CLDN16: variants seen among roughly 807,000 people sequenced by gnomAD.
CLDN16 encodes claudin 16.
In CLDN16, 13 loss-of-function variants were observed where a neutral mutation model predicts 24.6. That is an observed-to-expected ratio of 0.53 (90% confidence interval 0.34 to 0.84). The LOEUF (loss-of-function observed/expected upper bound fraction) is 0.84, where lower values mean the gene tolerates loss of function less well. Among genes scored for constraint, CLDN16 ranks in the 40% least tolerant of loss-of-function variants. CLDN16 has a pLI of 0.01. For missense variants in CLDN16, 298 were observed against 292.7 expected, an observed-to-expected ratio of 1.02 and a Z score of -0.13; for synonymous variants, 116 against 106.7, an observed-to-expected ratio of 1.09 and a Z score of -0.54.
the CLDN16 span, among the ~76,000 whole-genome samples, chr3:190,312,715 G>A: frequency 6.6e-6 from 1 of 152,176 alleles, no homozygotes; most frequent in East Asian, 1.9e-4. Flanking sequence ...TTTTCATTTA[G>A]TTTGTGTTTG....
chr3:190,309,143 T>C, the CLDN16 span, among the ~76,000 whole-genome samples: 1 of 152,184 alleles, frequency 6.6e-6, no homozygotes, highest in Non-Finnish European at 1.5e-5. Flanking sequence ...TCAGCCTCAG[T>C]TTCTCCTACT....
At position 190,350,344 on chromosome 3, in the gene CLDN16, T is replaced by TTATATATATATATATA. The variant is rs10563626; in HGVS notation, n.122-20542_122-20527dup. Among the ~76,000 whole-genome samples the TTATATATATATATATA allele has an allele frequency of 2.4e-3, 337 of 142,024 alleles. 4 individuals are homozygous for TTATATATATATATATA. The highest frequency in any genetic ancestry group is 4.1e-3 in the African/African-American group (158 of 38,788). 93.2% of individuals were successfully genotyped at this position (142,024 alleles called of 152,430 possible). ...AGTTTAAGAATCATAGTTCATAATG[T>TTATATATATATATATA]TATATATATATATATATATATACTT... On this transcript the variant is annotated intron_variant and non_coding_transcript_variant, in intron 1 of 4. Coordinates refer to the CLDN16 transcript ENST00000468220.
chr3:190,293,795 G>A, the CLDN16 span, among the ~76,000 whole-genome samples: 452 of 152,324 alleles, frequency 3.0e-3, 2 homozygotes, highest in African/African-American at 0.01. Flanking sequence ...CAGTTAAACC[G>A]AGAAGATTAG....
the CLDN16 span, chr3:190,306,361 T>C: frequency 6.6e-6 from 1 of 152,260 alleles, no homozygotes; most frequent in South Asian, 2.1e-4. Flanking sequence ...CTTGAGAGAC[T>C]GGTTAAGGCA....
At chr3:190,322,963 C>T (rs1406991622) in intron 1 of CLDN16, among the ~76,000 whole-genome samples, 1 of 149,472 alleles carries the variant, frequency 6.7e-6, no homozygotes, top group Non-Finnish European at 1.5e-5. Flanking sequence ...GACTTTTACA[C>T]TCTACAGATT....
At chr3:190,327,502 T>C (rs1369076608) in intron 1 of CLDN16, among the ~76,000 whole-genome samples, 2 of 152,188 alleles carry the variant, frequency 1.3e-5, no homozygotes, top group Non-Finnish European at 2.9e-5. Context: ...GCCACTGAAT[T>C]AGATAACTAT....
intron 2 of CLDN16, among the ~76,000 whole-genome samples, chr3:190,403,728 A>G (rs2049673): frequency 0.14 from 21,135 of 152,188 alleles, 1,522 homozygotes; most frequent in Middle Eastern, 0.21. Context: ...CATTTTTAAA[A>G]ACATAGTTCA....
chr3:190,400,677 T>A (rs917060579), intron 1 of CLDN16, among the ~76,000 whole-genome samples: 6 of 152,376 alleles, frequency 3.9e-5, no homozygotes, highest in African/African-American at 1.2e-4. Flanking sequence ...TTAAATAGTA[T>A]TCCATTGTGT....
the CLDN16 span, among the ~76,000 whole-genome samples, chr3:190,291,154 A>T: frequency 6.6e-6 from 1 of 152,156 alleles, no homozygotes; most frequent in Non-Finnish European, 1.5e-5. Flanking sequence ...CTGCAGTGGG[A>T]CTATCCCTTT....
chr3:190,311,488 T>C, the CLDN16 span, among the ~76,000 whole-genome samples: 2 of 152,174 alleles, frequency 1.3e-5, no homozygotes, highest in Non-Finnish European at 2.9e-5. Context: ...TAAACTGACA[T>C]ATTATACTGA....
In CLDN16 at chr3:190,341,910, G is replaced by T. The variant is rs186685063; in HGVS notation, n.121+19249G>T. ...CAAATCTCTAGGGCAGGGACAAAAT[G>T]CTGCCAGTCTCTTTGCTAAAACATA... On this transcript the variant is annotated intron_variant and non_coding_transcript_variant, in intron 1 of 4. Transcript: ENST00000468220. Among the ~76,000 whole-genome samples the T allele has an allele frequency of 6.3e-3, 962 of 152,250 alleles. 10 individuals carry two copies. Among genetic ancestry groups the T allele is most frequent in the South Asian group, 0.026 (127 of 4,816 alleles).
intron 1 of CLDN16, among the ~76,000 whole-genome samples, chr3:190,397,435 A>G (rs1718848091): frequency 1.3e-5 from 2 of 152,214 alleles, no homozygotes; most frequent in Admixed American, 6.5e-5. Flanking sequence ...AAGGTTAACT[A>G]TGATATTTGA....
chr3:190,363,559 T>TATATAC (rs1717950800), intron 1 of CLDN16, among the ~76,000 whole-genome samples: 1 of 80,500 alleles, frequency 1.2e-5, no homozygotes, highest in South Asian at 3.6e-4. Context: ...TGTGTGTGTA[T>TATATAC]ATATATATAT....
At chr3:190,374,608 G>A (rs1718210249) in intron 3 of CLDN16, 1 of 151,834 alleles carries the variant, frequency 6.6e-6, no homozygotes, top group African/African-American at 2.4e-5. Context: ...GTGAAGGTCA[G>A]CATGTTAAGT....
intron 1 of CLDN16, among the ~76,000 whole-genome samples, chr3:190,400,324 C>T (rs571767886): frequency 1.4e-4 from 22 of 152,112 alleles, no homozygotes; most frequent in Non-Finnish European, 1.5e-5. Flanking sequence ...CTGCAACATC[C>T]GACTCAGTGG....
At position 190,347,321 on chromosome 3, in the gene CLDN16, G is replaced by A. The variant is rs73889972; in HGVS notation, n.122-23572G>A. 5.6e-3 allele frequency among the ~76,000 whole-genome samples: 859 copies of A among 152,186 alleles called. 10 individuals carry two copies. The highest frequency in any genetic ancestry group is 0.02 in the African/African-American group (814 of 41,512). On this transcript the variant is annotated intron_variant and non_coding_transcript_variant, in intron 1 of 4. Coordinates refer to the CLDN16 transcript ENST00000468220. ...TCAAGAAAAACTACCAGTTTTTCTGGGTAGACCTCCTATTTATAGTGCTAG... is the reference window on the plus strand; with the variant it reads ...TCAAGAAAAACTACCAGTTTTTCTGAGTAGACCTCCTATTTATAGTGCTAG...
chr3:190,297,989 G>A, the CLDN16 span, among the ~76,000 whole-genome samples: 11 of 151,900 alleles, frequency 7.2e-5, no homozygotes, highest in East Asian at 2.1e-3. Context: ...GAAACTAAAC[G>A]CCCTAATTCA....
chr3:190,339,598 A>G (rs2108628472), intron 1 of CLDN16, among the ~76,000 whole-genome samples: 1 of 152,360 alleles, frequency 6.6e-6, no homozygotes, highest in Admixed American at 6.5e-5. Flanking sequence ...TGGAAATAGC[A>G]TACATTAGGT....
the CLDN16 span, chr3:190,306,124 G>A: frequency 6.6e-6 from 1 of 152,238 alleles, no homozygotes; most frequent in East Asian, 1.9e-4. Context: ...TCAGCTGCCA[G>A]CTAACAGCAA....
Sources: gnomAD v4.1 joint callset for allele counts (sites outside exome capture counted in the v4.1 genomes callset) on GRCh38, gnomAD v4.1.1 for gene constraint, MANE v1.5 for transcripts, NCBI Gene and HGNC (gene_info 2026-07-23, HGNC 2026-07-21) for gene names.